NRG1: variants seen among roughly 807,000 people sequenced by gnomAD.
NRG1 encodes the protein neuregulin 1, also known as pro-neuregulin-1, membrane-bound isoform.
A neutral mutation model predicts 63.8 loss-of-function variants in NRG1; 18 were observed. The observed-to-expected ratio is 0.28, with a 90% CI of 0.19 to 0.42. NRG1 has a LOEUF of 0.42. Among genes scored for constraint, NRG1 ranks in the 10% least tolerant of loss-of-function variants. The probability of loss-of-function intolerance (pLI) is 1.00; values close to 1 mark genes in which losing one functional copy is unlikely to be tolerated. For missense variants in NRG1, 762 were observed against 814.7 expected (o/e 0.94, Z 0.79); for synonymous variants, 302 against 301.3 (o/e 1.00, Z -0.02).
intron 1 of NRG1, among the ~76,000 whole-genome samples, chr8:32,399,132 A>T (rs1812835115): frequency 6.6e-6 from 1 of 152,174 alleles, no homozygotes; most frequent in South Asian, 2.1e-4. Context: ...CAAATCTCAT[A>T]TATCTTGCCC....
At chr8:32,230,017 A>G (rs147301825) in intron 1 of NRG1, among the ~76,000 whole-genome samples, 1 of 152,212 alleles carries the variant, frequency 6.6e-6, no homozygotes, top group African/African-American at 2.4e-5. Context: ...ACACGCGCCT[A>G]AAAGTTTTCA....
chr8:32,025,105 C>A (rs1427539726), intron 1 of NRG1, among the ~76,000 whole-genome samples: 5 of 152,128 alleles, frequency 3.3e-5, no homozygotes, highest in Admixed American at 1.3e-4. Context: ...AAGGGAGCAT[C>A]TTACTTTGTA....
intron 1 of NRG1, among the ~76,000 whole-genome samples, chr8:31,972,289 G>A (rs1405255250): frequency 5.9e-5 from 9 of 152,036 alleles, no homozygotes; most frequent in Non-Finnish European, 8.8e-5. Context: ...GGTCTTACTC[G>A]AATCCCTGTC....
chr8:32,624,032 TA>T (rs1848769479), intron 5 of NRG1, among the ~76,000 whole-genome samples: 1 of 152,234 alleles, frequency 6.6e-6, no homozygotes, highest in Non-Finnish European at 1.5e-5. Flanking sequence ...TTACATTTTA[TA>T]AGGCATATTT....
rs1404448494 is a variant in NRG1 at position 32,164,292 on chromosome 8, C to A, written c.38-431536C>A. Among the ~76,000 whole-genome samples the A allele has an allele frequency of 2.6e-5, 4 of 151,860 alleles. No individual in the cohort carries two copies. The East Asian group carries it at 5.8e-4, about 22-fold the overall frequency. ...GGGAGAAGCTGAATATATCTGTCTTCAGTATCTATCTTTGAATTTGGAATG... is the reference window on the plus strand; with the variant it reads ...GGGAGAAGCTGAATATATCTGTCTTAAGTATCTATCTTTGAATTTGGAATG... On this transcript the variant is annotated intron_variant, in intron 1 of 10. Coordinates refer to the NRG1 transcript ENST00000519301.
chr8:32,628,398 A>G (rs1357405022), intron 5 of NRG1, among the ~76,000 whole-genome samples: 1 of 152,168 alleles, frequency 6.6e-6, no homozygotes, highest in Non-Finnish European at 1.5e-5. Flanking sequence ...GCATAAATAC[A>G]TCTTTGTTCA....
intron 1 of NRG1, among the ~76,000 whole-genome samples, chr8:32,036,304 A>G (rs144807952): frequency 0.014 from 2,071 of 151,564 alleles, 15 homozygotes; most frequent in Middle Eastern, 0.037. Context: ...GTCTGCTGTT[A>G]GTCTGATGGG....
rs73248778 is a variant in NRG1, at chr8:32,302,316, G to A, written c.38-293512G>A. Among the ~76,000 whole-genome samples the A allele has an allele frequency of 6.6e-3, 998 of 152,274 alleles. 5 individuals are homozygous for A. Among genetic ancestry groups the A allele is most frequent in the Middle Eastern group, 0.027 (8 of 294 alleles). On this transcript the variant is annotated intron_variant, in intron 1 of 10. Transcript: ENST00000519301. ...CTGACGATCTTCAGTGAGGCATTTGGTACTCCAACCTGTTGTGCCTTAGCC... is the reference window on the plus strand; with the variant it reads ...CTGACGATCTTCAGTGAGGCATTTGATACTCCAACCTGTTGTGCCTTAGCC...
At chr8:31,961,819 C>A (rs1805506744) in intron 1 of NRG1, among the ~76,000 whole-genome samples, 1 of 152,078 alleles carries the variant, frequency 6.6e-6, no homozygotes. Context: ...ATGACTAAAT[C>A]TTTTAATGAA....
chr8:31,931,204 A>C (rs1228096001), intron 1 of NRG1, among the ~76,000 whole-genome samples: 1 of 152,116 alleles, frequency 6.6e-6, no homozygotes, highest in African/African-American at 2.4e-5. Flanking sequence ...TCTCACCGAA[A>C]CCTTAGGTCA....
chr8:31,802,740 T>C (rs1167223299), intron 1 of NRG1, among the ~76,000 whole-genome samples: 1 of 152,174 alleles, frequency 6.6e-6, no homozygotes, highest in Non-Finnish European at 1.5e-5. Context: ...AAGAAGAGCA[T>C]ATATCTCTTG....
At chr8:32,627,177 C>G (rs1004138045) in intron 5 of NRG1, among the ~76,000 whole-genome samples, 1 of 151,922 alleles carries the variant, frequency 6.6e-6, no homozygotes, top group Non-Finnish European at 1.5e-5. Flanking sequence ...TGAAATTTAT[C>G]TCATTTTAAA....
intron 1 of NRG1, among the ~76,000 whole-genome samples, chr8:31,804,553 A>G (rs1469626742): frequency 6.6e-6 from 1 of 152,152 alleles, no homozygotes; most frequent in African/African-American, 2.4e-5. Flanking sequence ...AGAACCTGTT[A>G]TATATCTCTC....
chr8:31,799,405 T>C (rs1358814065), intron 1 of NRG1, among the ~76,000 whole-genome samples: 1 of 152,048 alleles, frequency 6.6e-6, no homozygotes, highest in African/African-American at 2.4e-5. Context: ...TCAGTTACTC[T>C]TTTTCAGAAA....
intron 1 of NRG1, among the ~76,000 whole-genome samples, chr8:31,787,581 T>C (rs982414445): frequency 1.2e-4 from 19 of 152,208 alleles, no homozygotes; most frequent in African/African-American, 4.6e-4. Flanking sequence ...CATCCATGGA[T>C]ATAGGATGGA....
chr8:31,664,816 G>T (rs80065263), intron 1 of NRG1, among the ~76,000 whole-genome samples: 82 of 152,278 alleles, frequency 5.4e-4, no homozygotes, highest in African/African-American at 1.9e-3. Context: ...GTTAATCAAG[G>T]CCATAGACTG....
chr8:32,185,615 C>G (rs1405329042), intron 1 of NRG1, among the ~76,000 whole-genome samples: 5 of 152,088 alleles, frequency 3.3e-5, no homozygotes, highest in African/African-American at 1.2e-4. Flanking sequence ...AATGATGTGT[C>G]CACCATCATA....
At chr8:32,702,354 G>A (rs557824995) in intron 5 of NRG1, among the ~76,000 whole-genome samples, 3 of 152,312 alleles carry the variant, frequency 2.0e-5, no homozygotes, top group Admixed American at 6.5e-5. Flanking sequence ...ATAGGCATAC[G>A]TAAAATCACA....
chr8:32,132,849 A>G (rs780637864), intron 1 of NRG1, among the ~76,000 whole-genome samples: 33 of 152,122 alleles, frequency 2.2e-4, no homozygotes, highest in Non-Finnish European at 3.8e-4. Context: ...CAGTTTAATC[A>G]TCCATCTTTG....
Sources: allele counts gnomAD v4.1 joint callset (sites outside exome capture counted in the v4.1 genomes callset), GRCh38; gene constraint gnomAD v4.1.1; transcripts MANE v1.5; gene names NCBI Gene and HGNC (gene_info 2026-07-23, HGNC 2026-07-21).